Variants in FBXO21 observed in about 807,000 individuals in gnomAD.
FBXO21 encodes the protein F-box protein 21.
Under a neutral mutation model 76.6 loss-of-function variants are expected in FBXO21, and 32 were observed. The observed-to-expected ratio is 0.42, with a 90% CI of 0.32 to 0.56. The LOEUF (loss-of-function observed/expected upper bound fraction) is 0.56. Among genes scored for constraint, FBXO21 ranks in the 20% least tolerant of loss-of-function variants. FBXO21 has a pLI of 0.16. For missense variants in FBXO21, 586 were observed against 797.3 expected (o/e 0.73, Z 3.19); for synonymous variants, 328 against 311.5 (o/e 1.05, Z -0.56).
intron 7 of FBXO21, among the ~76,000 whole-genome samples, chr12:117,167,645 G>A (rs180789479): frequency 3.6e-4 from 54 of 152,022 alleles, no homozygotes; most frequent in African/African-American, 1.3e-3. Context: ...GGAGGCTGAG[G>A]CAGAAGAATG....
At position 117,142,298 on chromosome 12, in the gene FBXO21, G is replaced by A. The variant is rs1364868082; in HGVS notation, c.*3789C>T. The stretch of plus-strand genomic sequence containing the variant: ...CATCCGGCTTCCCACCCACGCACAC[G>A]CAGTATGACCTGGGTTTCCCCTTTA... On this transcript the variant is annotated 3_prime_UTR_variant, in exon 12 of 12. Transcript: ENST00000622495. The A allele has an allele frequency of 4.6e-5, 7 of 152,164 alleles. No homozygotes were observed. The highest frequency in any genetic ancestry group is 2.0e-4 in the Admixed American group (3 of 15,268). 9.4% of individuals were successfully genotyped at this position (152,164 alleles called of 1,614,324 possible). A position where few individuals can be genotyped will look rare whatever the true frequency, so the allele number is the denominator to read the frequency against.
chr12:117,185,079 A>T (rs920303925), intron 3 of FBXO21, among the ~76,000 whole-genome samples: 1 of 152,188 alleles, frequency 6.6e-6, no homozygotes, highest in Non-Finnish European at 1.5e-5. Flanking sequence ...CCAGGTCTGT[A>T]CTAAACACCA....
intron 9 of FBXO21, among the ~76,000 whole-genome samples, chr12:117,164,278 T>TC (rs1956023378): frequency 1.0e-5 from 1 of 99,210 alleles, no homozygotes; most frequent in East Asian, 2.0e-4. Context: ...TCTTTTCTTT[T>TC]TTTTTTTTTT....
Position 117,145,920 on chromosome 12 carries a change from G to C in FBXO21, c.*167C>G. ...AGAGCAACATTGTCTTTGCAGCTGG[G>C]GAAGAGCACACGGTATTTAAACTTA... On this transcript the variant is annotated 3_prime_UTR_variant, in exon 12 of 12. Transcript: ENST00000622495. The C allele has an allele frequency of 2.0e-6, 1 of 512,766 alleles. No homozygotes were observed. Among genetic ancestry groups the C allele is most frequent in the Non-Finnish European group, 3.4e-6 (1 of 293,752 alleles). 31.8% of individuals were successfully genotyped at this position (512,766 alleles called of 1,614,324 possible).
At chr12:117,173,282 C>T (rs1234071799) in intron 6 of FBXO21, among the ~76,000 whole-genome samples, 1 of 152,156 alleles carries the variant, frequency 6.6e-6, no homozygotes, top group Non-Finnish European at 1.5e-5. Flanking sequence ...CCGCCCACCT[C>T]GGCCTCCCAA....
intron 10 of FBXO21, among the ~76,000 whole-genome samples, chr12:117,156,565 T>C (rs963102155): frequency 2.6e-5 from 4 of 152,120 alleles, no homozygotes; most frequent in African/African-American, 9.7e-5. Context: ...CATACTGAAA[T>C]CGCTACAGGT....
chr12:117,151,281 C>T (rs1351265878), intron 11 of FBXO21, among the ~76,000 whole-genome samples: 4 of 152,090 alleles, frequency 2.6e-5, no homozygotes, highest in Non-Finnish European at 5.9e-5. Flanking sequence ...AGTATCAAAG[C>T]GCGCCCCCTT....
rs1955732839 is a variant in FBXO21, at chr12:117,143,111, GTCTGAT to G, written c.*2970_*2975del. On this transcript the variant is annotated 3_prime_UTR_variant, in exon 12 of 12. Coordinates refer to ENST00000622495, the MANE Select transcript of FBXO21 (RefSeq NM_015002.3). ...GCAAACATGACGCCTGGCAAAACCG[GTCTGAT>G]TCTAAGGTAAACTCATTTTGGACAT... 1 of 152,184 alleles carries G rather than the reference GTCTGAT, an allele frequency of 6.6e-6. No individual in the cohort carries two copies. The highest frequency in any genetic ancestry group is 1.5e-5 in the Non-Finnish European group (1 of 68,028). The allele number at this position is 152,184 out of a possible 1,614,324, so 9.4% of individuals were successfully genotyped here.
chr12:117,174,353 AGATCTACTCTGG>A lies in FBXO21; in HGVS notation c.740-24_740-13del, dbSNP rs749477098. On this transcript the variant is annotated splice_polypyrimidine_tract_variant and intron_variant, in intron 5 of 11. Transcript: ENST00000622495. ...CATGGATGATTCACCTGAAACACAGAGATCTACTCTGGGACCCAAGCACAAAAAAGGTTGTGA... is the reference window on the plus strand; with the variant it reads ...CATGGATGATTCACCTGAAACACAGAGACCCAAGCACAAAAAAGGTTGTGA... 9.3e-6 allele frequency: 15 copies of A among 1,613,984 alleles called. No homozygotes were observed. In the South Asian group the frequency reaches 1.5e-4, roughly 17 times the overall value.
At chr12:117,182,184 C>CGGGGTATTCT (rs1216594525) in intron 3 of FBXO21, among the ~76,000 whole-genome samples, 7 of 152,212 alleles carry the variant, frequency 4.6e-5, no homozygotes, top group Non-Finnish European at 1.0e-4. Context: ...TTTTTAAATG[C>CGGGGTATTCT]GGGGTATTCT....
intron 11 of FBXO21, among the ~76,000 whole-genome samples, chr12:117,149,166 TTTC>T: frequency 6.6e-6 from 1 of 152,120 alleles, no homozygotes; most frequent in African/African-American, 2.4e-5. Flanking sequence ...GCCTTTGGAT[TTTC>T]TTTTCTTTTT....
chr12:117,162,248 C>T (rs1955987791), intron 9 of FBXO21, among the ~76,000 whole-genome samples: 1 of 149,592 alleles, frequency 6.7e-6, no homozygotes, highest in Admixed American at 7.0e-5. Context: ...ATGATGAGGA[C>T]GAAGGTCTGG....
At chr12:117,185,895 G>A (rs868720953) in intron 3 of FBXO21, among the ~76,000 whole-genome samples, 16 of 152,162 alleles carry the variant, frequency 1.1e-4, no homozygotes, top group East Asian at 7.7e-4. Flanking sequence ...TTTATGAGAC[G>A]AAGTCTTGCT....
At chr12:117,146,689 G>A (rs1955773898) in intron 11 of FBXO21, among the ~76,000 whole-genome samples, 1 of 152,192 alleles carries the variant, frequency 6.6e-6, no homozygotes, top group South Asian at 2.1e-4. Context: ...ATGGTGACAA[G>A]TCTCGTACCT....
In FBXO21 at chr12:117,174,101, C is replaced by T. The variant is rs529510645; in HGVS notation, c.876+104G>A. The T allele has an allele frequency of 7.5e-4, 722 of 963,490 alleles. 10 individuals carry two copies. In the South Asian group the frequency reaches 0.011, roughly 14 times the overall value. The allele number at this position is 963,490 out of a possible 1,614,324, so 59.7% of individuals were successfully genotyped here. On this transcript the variant is annotated intron_variant, in intron 6 of 11. Transcript: ENST00000622495. ...GCGGTAAGCTATGATCGCGCCACTGCATTCCAGCCTGAGCAACAGAGCGAG... is the reference window on the plus strand; with the variant it reads ...GCGGTAAGCTATGATCGCGCCACTGTATTCCAGCCTGAGCAACAGAGCGAG...
chr12:117,185,085 C>T (rs1956269590), intron 3 of FBXO21, among the ~76,000 whole-genome samples: 1 of 152,108 alleles, frequency 6.6e-6, no homozygotes, highest in South Asian at 2.1e-4. Flanking sequence ...CTGTACTAAA[C>T]ACCAAACCAA....
In FBXO21 at chr12:117,167,146, C is replaced by T. The variant is rs762574348; in HGVS notation, c.1014-69G>A. Reference sequence around the variant, plus strand: ...TATTTTAAGTCTCCACAGTAAGTAGCTCAAATCATGGGCTGAAGGTTGAGA... The same window carrying T: ...TATTTTAAGTCTCCACAGTAAGTAGTTCAAATCATGGGCTGAAGGTTGAGA... On this transcript the variant is annotated intron_variant, in intron 7 of 11. Coordinates refer to ENST00000622495, the MANE Select transcript of FBXO21 (RefSeq NM_015002.3). The T allele has an allele frequency of 1.5e-5, 18 of 1,197,596 alleles. No individual in the cohort carries two copies. The East Asian group carries it at 3.9e-4, about 26-fold the overall frequency. 74.2% of individuals were successfully genotyped at this position (1,197,596 alleles called of 1,614,324 possible). A position where few individuals can be genotyped will look rare whatever the true frequency, so the allele number is the denominator to read the frequency against.
chr12:117,165,268 C>T (rs2270790), intron 9 of FBXO21, among the ~76,000 whole-genome samples: 9 of 151,908 alleles, frequency 5.9e-5, no homozygotes, highest in Non-Finnish European at 1.2e-4. Context: ...GTTTAAGGAG[C>T]TGACCACAAA....
Position 117,190,367 on chromosome 12 carries a change from G to A in FBXO21, c.90C>T (p.Leu30=), listed in dbSNP as rs749981737. 38 of 1,522,146 alleles carry A rather than the reference G, an allele frequency of 2.5e-5. No individual in the cohort carries two copies. Among genetic ancestry groups the A allele is most frequent in the Non-Finnish European group, 3.2e-5 (37 of 1,144,240 alleles). The allele number at this position is 1,522,146 out of a possible 1,614,324, so 94.3% of individuals were successfully genotyped here. A position where few individuals can be genotyped will look rare whatever the true frequency, so the allele number is the denominator to read the frequency against. The change falls in exon 1 of 12, where the codon CTC becomes CTT. Residue 30 remains leucine, a synonymous_variant. Transcript: ENST00000622495. ...AAPEVAGLSC[L]VNLPGEVLEY... The stretch of plus-strand genomic sequence containing the variant: ...CCAGCACCTCACCCGGCAGGTTGAC[G>A]AGGCAGCTGAGGCCCGCTACCTCCG...
Sources: gnomAD v4.1 joint callset for allele counts (sites outside exome capture counted in the v4.1 genomes callset) on GRCh38, gnomAD v4.1.1 for gene constraint, MANE v1.5 for transcripts, NCBI Gene and HGNC (gene_info 2026-07-23, HGNC 2026-07-21) for gene names.